Variants in CAMK1D observed in about 807,000 individuals in gnomAD.
The protein encoded by CAMK1D is calcium/calmodulin dependent protein kinase ID.
CAMK1D carries 9 observed loss-of-function variants against 47.7 expected under a neutral mutation model. The ratio of observed to expected loss-of-function variants is 0.19; its 90% CI spans 0.11 to 0.33. CAMK1D has a LOEUF of 0.33. Among genes scored for constraint, CAMK1D ranks in the 10% least tolerant of loss-of-function variants. The pLI is 1.00. For synonymous variants in CAMK1D, 184 were observed against 184.9 expected (o/e 0.99, Z 0.04); for missense variants, 291 against 488.7 (o/e 0.60, Z 3.81).
chr10:12,633,090 G>A (rs1425160352), intron 2 of CAMK1D, among the ~76,000 whole-genome samples: 1 of 152,236 alleles, frequency 6.6e-6, no homozygotes, highest in East Asian at 1.9e-4. Context: ...CCTGCAGTGA[G>A]TCAGTCGTTC....
intron 1 of CAMK1D, among the ~76,000 whole-genome samples, chr10:12,506,283 G>T (rs1212187891): frequency 6.6e-6 from 1 of 152,044 alleles, no homozygotes; most frequent in Non-Finnish European, 1.5e-5. Flanking sequence ...AGCCGAGTGG[G>T]GTGCCATGTG....
At chr10:12,522,989 G>A (rs1588587760) in intron 1 of CAMK1D, among the ~76,000 whole-genome samples, 1 of 147,428 alleles carries the variant, frequency 6.8e-6, no homozygotes, top group Admixed American at 6.7e-5. Context: ...CCTCCCAGAT[G>A]GGGTGGCTGC....
At chr10:12,781,002 G>A (rs1037509476) in intron 5 of CAMK1D, among the ~76,000 whole-genome samples, 1 of 152,228 alleles carries the variant, frequency 6.6e-6, no homozygotes, top group Non-Finnish European at 1.5e-5. Flanking sequence ...CGTGGGCGAC[G>A]TAAACCCAGC....
At chr10:12,595,639 C>G (rs1261218224) in intron 2 of CAMK1D, among the ~76,000 whole-genome samples, 1 of 152,120 alleles carries the variant, frequency 6.6e-6, no homozygotes, top group Non-Finnish European at 1.5e-5. Flanking sequence ...GTCCATAGCC[C>G]GTTCTGTCCC....
At chr10:12,372,556 G>C (rs1281562169) in intron 1 of CAMK1D, among the ~76,000 whole-genome samples, 1 of 152,252 alleles carries the variant, frequency 6.6e-6, no homozygotes, top group Non-Finnish European at 1.5e-5. Flanking sequence ...AGAGCAGCAG[G>C]TGGTAGGTGA....
At chr10:12,675,616 C>G (rs930243886) in intron 3 of CAMK1D, among the ~76,000 whole-genome samples, 2 of 152,198 alleles carry the variant, frequency 1.3e-5, no homozygotes, top group East Asian at 3.8e-4. Flanking sequence ...TTTTCCAAAC[C>G]ACCATATAAA....
intron 1 of CAMK1D, among the ~76,000 whole-genome samples, chr10:12,537,934 A>G (rs1836029947): frequency 6.6e-6 from 1 of 152,130 alleles, no homozygotes; most frequent in Non-Finnish European, 1.5e-5. Context: ...AGGAACCCAG[A>G]TTATCTTTCT....
chr10:12,792,185 C>T (rs545428153), intron 6 of CAMK1D, among the ~76,000 whole-genome samples: 67 of 152,254 alleles, frequency 4.4e-4, no homozygotes, highest in South Asian at 1.5e-3. Flanking sequence ...ATCTCAATTT[C>T]GCCTTTAGAT....
At chr10:12,615,737 T>TG (rs1164586137) in intron 2 of CAMK1D, among the ~76,000 whole-genome samples, 3 of 151,658 alleles carry the variant, frequency 2.0e-5, no homozygotes, top group Admixed American at 6.6e-5. Flanking sequence ...TGCATGTGTG[T>TG]GGGGGTGTGT....
rs1227014024 is a variant in CAMK1D at position 12,548,332 on chromosome 10, G to GT, written c.93-4888dup. ...GGTATTGAGTGAAAAGGTTTATCTA[G>GT]TTTTTCCAATATGTCCATCCTCAGG... On this transcript the variant is annotated intron_variant, in intron 1 of 10. Transcript: ENST00000619168. 1.2e-4 allele frequency among the ~76,000 whole-genome samples: 18 copies of GT among 151,016 alleles called. 1 individual carries two copies. Among genetic ancestry groups the GT allele is most frequent in the Admixed American group, 1.1e-3 (16 of 15,104 alleles).
intron 2 of CAMK1D, among the ~76,000 whole-genome samples, chr10:12,622,806 A>C (rs1839039584): frequency 6.6e-6 from 1 of 152,032 alleles, no homozygotes; most frequent in African/African-American, 2.4e-5. Context: ...AAGAAGGGGA[A>C]TTTTTCTTCC....
intron 1 of CAMK1D, among the ~76,000 whole-genome samples, chr10:12,472,199 G>A (rs1473897614): frequency 1.3e-5 from 2 of 152,144 alleles, no homozygotes; most frequent in Non-Finnish European, 2.9e-5. Flanking sequence ...GACACGCTGA[G>A]ACACAGCGAT....
chr10:12,376,650 T>C lies in CAMK1D; in HGVS notation c.92+26740T>C, dbSNP rs146515149. Among the ~76,000 whole-genome samples the C allele has an allele frequency of 3.3e-5, 5 of 152,304 alleles. No homozygotes were observed. The East Asian group carries it at 9.6e-4, about 29-fold the overall frequency. Reference sequence around the variant, plus strand: ...CCTGGAACTGGAAATCATATTAGGCTCTGCAGATGAGAATGCAGGGTCTGG... The same window carrying C: ...CCTGGAACTGGAAATCATATTAGGCCCTGCAGATGAGAATGCAGGGTCTGG... On this transcript the variant is annotated intron_variant, in intron 1 of 10. Coordinates refer to ENST00000619168, the MANE Select transcript of CAMK1D (RefSeq NM_153498.4).
rs1246587186 is a variant in CAMK1D at position 12,369,860 on chromosome 10, G to A, written c.92+19950G>A. On this transcript the variant is annotated intron_variant, in intron 1 of 10. Coordinates refer to ENST00000619168, the MANE Select transcript of CAMK1D (RefSeq NM_153498.4). ...AATCCCAGCTACTCGGGAGGCTGAGGCAGGGGAATTGCTTGAACCTGGGAG... is the reference window on the plus strand; with the variant it reads ...AATCCCAGCTACTCGGGAGGCTGAGACAGGGGAATTGCTTGAACCTGGGAG... Among the ~76,000 whole-genome samples, 4 of 151,632 alleles carry A rather than the reference G, an allele frequency of 2.6e-5. No homozygotes were observed. The East Asian group carries it at 7.7e-4, about 29-fold the overall frequency.
At chr10:12,763,662 T>G (rs1429106107) in intron 4 of CAMK1D, among the ~76,000 whole-genome samples, 1 of 152,028 alleles carries the variant, frequency 6.6e-6, no homozygotes, top group African/African-American at 2.4e-5. Context: ...CAGATATCCA[T>G]CCGCTGGGGG....
chr10:12,527,081 T>C (rs1835648345), intron 1 of CAMK1D, among the ~76,000 whole-genome samples: 2 of 152,050 alleles, frequency 1.3e-5, no homozygotes, highest in Non-Finnish European at 2.9e-5. Context: ...ACCCTTTTAT[T>C]CCCACTTTCT....
chr10:12,411,050 A>G (rs1043163528), intron 1 of CAMK1D, among the ~76,000 whole-genome samples: 7 of 152,148 alleles, frequency 4.6e-5, no homozygotes, highest in Non-Finnish European at 4.4e-5. Flanking sequence ...TAGGTACTCA[A>G]AAATCCATTG....
chr10:12,644,257 G>A (rs1352488779), intron 2 of CAMK1D, among the ~76,000 whole-genome samples: 1 of 152,134 alleles, frequency 6.6e-6, no homozygotes, highest in Non-Finnish European at 1.5e-5. Flanking sequence ...AACAAGCAGG[G>A]CAGAGTTAGC....
chr10:12,638,786 A>G (rs1839583640), intron 2 of CAMK1D, among the ~76,000 whole-genome samples: 1 of 152,148 alleles, frequency 6.6e-6, no homozygotes, highest in East Asian at 1.9e-4. Flanking sequence ...TTGTATCACC[A>G]AATCTATAAA....
Sources: gnomAD v4.1 joint callset for allele counts (sites outside exome capture counted in the v4.1 genomes callset) on GRCh38, gnomAD v4.1.1 for gene constraint, MANE v1.5 for transcripts, NCBI Gene and HGNC (gene_info 2026-07-23, HGNC 2026-07-21) for gene names.